C4orf36: variants seen among roughly 807,000 people sequenced by gnomAD.
C4orf36 encodes uncharacterized protein C4orf36.
A neutral mutation model predicts 12.2 loss-of-function variants in C4orf36; 11 were observed. That is an observed-to-expected ratio of 0.90 (90% CI 0.57 to 1.49). C4orf36 has a LOEUF of 1.49. Ranked by LOEUF, C4orf36 falls within the 40% of genes most tolerant of loss-of-function variation. The pLI is 0.00. For synonymous variants in C4orf36, 54 were observed against 51.3 expected, an observed-to-expected ratio of 1.05 and a Z score of -0.22; for missense variants, 137 against 133.9, an observed-to-expected ratio of 1.02 and a Z score of -0.11.
At position 86,876,335 on chromosome 4, in the gene C4orf36, TGGCTGCAGCGCAGCGACGGCCGGGGCCGG is replaced by T; in HGVS notation, c.*82_*110del. 1.3e-6 allele frequency: 2 copies of T among 1,526,048 alleles called. No homozygotes were observed. The highest frequency in any genetic ancestry group is 1.8e-6 in the Non-Finnish European group (2 of 1,137,782). 94.5% of individuals were successfully genotyped at this position (1,526,048 alleles called of 1,614,324 possible). ...TCCTGAGGTGGGGGCCGGGCCAGGA[TGGCTGCAGCGCAGCGACGGCCGGGGCCGG>T]GAGCGGGTCCTGGGCGGCCCAGGAG... On this transcript the variant is annotated 3_prime_UTR_variant, in exon 5 of 5. Coordinates refer to ENST00000295898, the MANE Select transcript of C4orf36 (RefSeq NM_144645.4).
At chr4:86,885,948 G>T (rs11097123) in intron 4 of C4orf36, among the ~76,000 whole-genome samples, 59,071 of 151,990 alleles carry the variant, frequency 0.39, 12,240 homozygotes, top group Non-Finnish European at 0.45. Flanking sequence ...CTGCATCTAT[G>T]GAGATAATCA....
Position 86,888,233 on chromosome 4 carries a change from G to A in C4orf36, c.108C>T (p.Ser36=). The A allele has an allele frequency of 1.2e-6, 2 of 1,614,128 alleles. No individual in the cohort carries two copies. Among genetic ancestry groups the A allele is most frequent in the South Asian group, 2.2e-5 (2 of 91,074 alleles). ...GCAACTTGATATTGGCTAGGTTTGT[G>A]GACCAGGTCTTTGCAAGCAATGCAA... The part of the protein sequence containing the change: ...WDIALLAKTW[S]TNLANIKLPF... The change falls in exon 3 of 5, where the codon TCC becomes TCT. Residue 36 remains serine, a synonymous_variant. Coordinates refer to ENST00000295898, the MANE Select transcript of C4orf36 (RefSeq NM_144645.4).
chr4:86,906,977 T>C, the C4orf36 span, among the ~76,000 whole-genome samples: 1 of 151,806 alleles, frequency 6.6e-6, no homozygotes, highest in Non-Finnish European at 1.5e-5. Context: ...GGGGCGGAGG[T>C]TGCAGTGAGC....
At chr4:86,918,357 A>G in the C4orf36 span, among the ~76,000 whole-genome samples, 3 of 152,216 alleles carry the variant, frequency 2.0e-5, no homozygotes, top group Admixed American at 1.3e-4. Flanking sequence ...ATGTAGTGCC[A>G]TCTCCTCCAC....
chr4:86,910,410 T>G, the C4orf36 span, among the ~76,000 whole-genome samples: 1 of 152,020 alleles, frequency 6.6e-6, no homozygotes, highest in African/African-American at 2.4e-5. Context: ...AGACTCTGTC[T>G]CAAAAAAAAT....
the C4orf36 span, among the ~76,000 whole-genome samples, chr4:86,930,451 C>A: frequency 6.6e-6 from 1 of 152,232 alleles, no homozygotes; most frequent in South Asian, 2.1e-4. Context: ...GATGAAATAT[C>A]TCTCTGAGGT....
chr4:86,923,199 C>A, the C4orf36 span, among the ~76,000 whole-genome samples: 1 of 151,632 alleles, frequency 6.6e-6, no homozygotes, highest in Non-Finnish European at 1.5e-5. Context: ...TCAAACTATC[C>A]TCTAACCTCA....
intron 4 of C4orf36, among the ~76,000 whole-genome samples, chr4:86,884,650 G>C (rs1400782646): frequency 6.6e-6 from 1 of 152,078 alleles, no homozygotes; most frequent in Non-Finnish European, 1.5e-5. Flanking sequence ...AGTTCTACTT[G>C]CTACTTTAAA....
upstream of C4orf36, among the ~76,000 whole-genome samples, chr4:86,897,357 T>C (rs1285865265): frequency 6.6e-6 from 1 of 151,972 alleles, no homozygotes; most frequent in Admixed American, 6.6e-5. Flanking sequence ...TGAGACTCTG[T>C]CTCAAAAAAG....
chr4:86,885,113 G>C (rs1158967583), intron 4 of C4orf36, among the ~76,000 whole-genome samples: 11 of 152,182 alleles, frequency 7.2e-5, no homozygotes, highest in Non-Finnish European at 1.2e-4. Flanking sequence ...TTGTAGTATA[G>C]TTTGAAGTCA....
chr4:86,894,088 G>A (rs1747535336), upstream of C4orf36, among the ~76,000 whole-genome samples: 1 of 151,796 alleles, frequency 6.6e-6, no homozygotes, highest in Non-Finnish European at 1.5e-5. Flanking sequence ...TAGTAGAGAC[G>A]GGGTTTCACC....
the C4orf36 span, among the ~76,000 whole-genome samples, chr4:86,920,886 C>CT: frequency 2.0e-5 from 3 of 151,830 alleles, no homozygotes. Flanking sequence ...AATCCCAGCA[C>CT]TTTGTGGGGC....
At chr4:86,928,860 C>T in the C4orf36 span, among the ~76,000 whole-genome samples, 1 of 152,204 alleles carries the variant, frequency 6.6e-6, no homozygotes, top group Non-Finnish European at 1.5e-5. Context: ...ACATTTTCCC[C>T]AACTTCCTCT....
the C4orf36 span, among the ~76,000 whole-genome samples, chr4:86,931,147 G>A: frequency 1.3e-5 from 2 of 152,180 alleles, no homozygotes; most frequent in Non-Finnish European, 2.9e-5. Context: ...GGCATGTAGT[G>A]CCCTTCACTA....
At chr4:86,920,722 C>G in the C4orf36 span, among the ~76,000 whole-genome samples, 84 of 152,328 alleles carry the variant, frequency 5.5e-4, no homozygotes, top group African/African-American at 1.9e-3. Flanking sequence ...CCCTCAATAA[C>G]TAACACACTC....
the C4orf36 span, chr4:86,935,401 C>T: frequency 3.3e-5 from 5 of 152,272 alleles, no homozygotes; most frequent in Admixed American, 2.0e-4. Flanking sequence ...CGGTGGGAGC[C>T]CTCGGGGAGA....
intron 3 of C4orf36, 43 bp downstream of exon 3, chr4:86,888,078 C>T: frequency 6.3e-7 from 1 of 1,594,094 alleles, no homozygotes; most frequent in Non-Finnish European, 8.6e-7. Context: ...GCAAATGGCA[C>T]ACTGAATTTA....
In C4orf36 at chr4:86,879,807, A is replaced by T. The variant is rs141939822; in HGVS notation, c.*3-3364T>A. ...CAGCAAGAGAAAAGTGACTCATCAC[A>T]TACTAGGGAGATCTTATTAGACTAT... is the stretch of plus-strand genomic sequence containing the variant. On this transcript the variant is annotated intron_variant, in intron 4 of 4. Transcript: ENST00000295898. 5.9e-5 allele frequency among the ~76,000 whole-genome samples: 9 copies of T among 152,186 alleles called. No individual in the cohort carries two copies. In the East Asian group the frequency reaches 1.7e-3, roughly 29 times the overall value.
At chr4:86,916,365 CAAAAAAAA>C in the C4orf36 span, among the ~76,000 whole-genome samples, 1 of 95,868 alleles carries the variant, frequency 1.0e-5, no homozygotes, top group African/African-American at 4.4e-5. Context: ...TATGTGGATG[CAAAAAAAA>C]AAAAAAAAAA....
Sources: gnomAD v4.1 joint callset for allele counts (sites outside exome capture counted in the v4.1 genomes callset) on GRCh38, gnomAD v4.1.1 for gene constraint, MANE v1.5 for transcripts, NCBI Gene and HGNC (gene_info 2026-07-23, HGNC 2026-07-21) for gene names.